DIP2B: variants seen among roughly 807,000 people sequenced by gnomAD.
The protein encoded by DIP2B is DIP2 acetate--CoA ligase B (putative).
Under a neutral mutation model 198.0 loss-of-function variants are expected in DIP2B, and 76 were observed. The observed-to-expected ratio is 0.38, with a 90% CI of 0.32 to 0.46. The LOEUF is 0.46. Among genes scored for constraint, DIP2B ranks in the 20% least tolerant of loss-of-function variants. The probability of loss-of-function intolerance (pLI) is 0.99; values close to 1 mark genes in which losing one functional copy is unlikely to be tolerated. For missense variants in DIP2B, 1,559 were observed against 1,978.4 expected (o/e 0.79, Z 4.02); for synonymous variants, 701 against 739.1 (o/e 0.95, Z 0.84).
At chr12:50,736,281 C>T (rs1940137448) in intron 34 of DIP2B, among the ~76,000 whole-genome samples, 1 of 152,228 alleles carries the variant, frequency 6.6e-6, no homozygotes, top group Admixed American at 6.5e-5. Flanking sequence ...ACCTCACGAG[C>T]ATTAGCCTGT....
chr12:50,557,316 AT>A (rs1281252656), intron 1 of DIP2B, among the ~76,000 whole-genome samples: 1 of 152,164 alleles, frequency 6.6e-6, no homozygotes, highest in African/African-American at 2.4e-5. Flanking sequence ...CCTTCCATAG[AT>A]GGTCCAGGCT....
chr12:50,727,668 T>C (rs1592145040), intron 28 of DIP2B, 35 bp from the exon 29 acceptor site: 4 of 1,568,320 alleles, frequency 2.6e-6, no homozygotes, highest in East Asian at 2.2e-5. Context: ...TTCCAGCATG[T>C]TGGATTGACA....
chr12:50,538,746 C>T (rs963498434), intron 1 of DIP2B, among the ~76,000 whole-genome samples: 7 of 152,146 alleles, frequency 4.6e-5, no homozygotes, highest in Non-Finnish European at 8.8e-5. Context: ...ACATATTCCA[C>T]ACATACAGTT....
At chr12:50,674,371 C>G (rs1051514745) in intron 5 of DIP2B, 103 bp from the exon 6 acceptor site, 4 of 1,228,706 alleles carry the variant, frequency 3.3e-6, no homozygotes, top group South Asian at 1.4e-5. Context: ...CCAGTGCCCC[C>G]ATTTATGTAC....
rs200971587 is a variant in DIP2B, at chr12:50,591,881, GTT to G, written c.101-34082_101-34081del. ...AACTTTTATTTCTTTATTTTTGTGT[GTT>G]TTTTTTTTTTTTGAGATGGAGTCTT... On this transcript the variant is annotated intron_variant, in intron 1 of 37. Coordinates refer to ENST00000301180, the MANE Select transcript of DIP2B (RefSeq NM_173602.3). Among the ~76,000 whole-genome samples the G allele has an allele frequency of 4.3e-5, 6 of 139,652 alleles. No individual in the cohort carries two copies. The East Asian group carries it at 1.0e-3, about 24-fold the overall frequency. The allele number at this position is 139,652 out of a possible 152,430, so 91.6% of individuals were successfully genotyped here.
chr12:50,658,442 T>C (rs1458047170), intron 3 of DIP2B, among the ~76,000 whole-genome samples: 4 of 152,152 alleles, frequency 2.6e-5, no homozygotes, highest in Non-Finnish European at 5.9e-5. Flanking sequence ...CGGCCAATTT[T>C]TCTGGATTTT....
At chr12:50,726,665 TTTC>T (rs199693044) in intron 28 of DIP2B, among the ~76,000 whole-genome samples, 25 of 148,048 alleles carry the variant, frequency 1.7e-4, no homozygotes, top group Middle Eastern at 3.5e-3. Context: ...TTTTTCTTTC[TTTC>T]TTTTTTTTTT....
chr12:50,578,846 A>T (rs1958688310), intron 1 of DIP2B, among the ~76,000 whole-genome samples: 1 of 152,108 alleles, frequency 6.6e-6, no homozygotes, highest in Admixed American at 6.5e-5. Context: ...CTATTTGAAA[A>T]TTTTATTTTG....
At chr12:50,644,831 T>C (rs886793778) in intron 3 of DIP2B, among the ~76,000 whole-genome samples, 1 of 152,210 alleles carries the variant, frequency 6.6e-6, no homozygotes, top group Admixed American at 6.5e-5. Flanking sequence ...ATTCCCTAGC[T>C]TTGTCCAGTT....
At chr12:50,544,624 CTTTTTT>C (rs66562074) in intron 1 of DIP2B, among the ~76,000 whole-genome samples, 2 of 136,968 alleles carry the variant, frequency 1.5e-5, no homozygotes, top group African/African-American at 5.6e-5. Flanking sequence ...CTTTCTTTTT[CTTTTTT>C]TTTTTTTTTT....
At chr12:50,726,671 T>TC (rs1223164001) in intron 28 of DIP2B, among the ~76,000 whole-genome samples, 5 of 151,016 alleles carry the variant, frequency 3.3e-5, no homozygotes, top group Non-Finnish European at 7.4e-5. Flanking sequence ...TTTCTTTCTT[T>TC]TTTTTTTTTT....
At chr12:50,543,431 A>G (rs1248282737) in intron 1 of DIP2B, among the ~76,000 whole-genome samples, 2 of 151,926 alleles carry the variant, frequency 1.3e-5, no homozygotes, top group African/African-American at 4.8e-5. Context: ...CTGGGGTTAC[A>G]GCCACCCGCC....
At chr12:50,509,914 T>C (rs1199456148) in intron 1 of DIP2B, among the ~76,000 whole-genome samples, 1 of 152,214 alleles carries the variant, frequency 6.6e-6, no homozygotes, top group Non-Finnish European at 1.5e-5. Context: ...AATGTAGATT[T>C]TTAAATAACC....
intron 4 of DIP2B, among the ~76,000 whole-genome samples, chr12:50,664,830 GTTTTTGTTTTTTTTTTTTTTTTTTTT>G (rs1334162888): frequency 1.1e-4 from 11 of 99,644 alleles, no homozygotes; most frequent in East Asian, 3.6e-4. Flanking sequence ...TCCTTTTTTG[GTTTTTGTTTTTTTTTTTTTTTTTTTT>G]TTTTTTTTTT....
intron 16 of DIP2B, 66 bp downstream of exon 16, chr12:50,696,033 T>C (rs1939305482): frequency 3.1e-6 from 5 of 1,594,350 alleles, no homozygotes; most frequent in Non-Finnish European, 4.3e-6. Context: ...TTTTTCGCCC[T>C]GTACTAAGAT....
chr12:50,533,836 C>G (rs1302689345), intron 1 of DIP2B, among the ~76,000 whole-genome samples: 1 of 152,112 alleles, frequency 6.6e-6, no homozygotes, highest in African/African-American at 2.4e-5. Context: ...GATCTGCCTG[C>G]CTTTCAGCCA....
intron 2 of DIP2B, among the ~76,000 whole-genome samples, chr12:50,630,018 C>T (rs1031640504): frequency 1.3e-5 from 2 of 150,102 alleles, no homozygotes; most frequent in East Asian, 2.0e-4. Context: ...GGCGCGATCT[C>T]GGCTCACTGC....
chr12:50,723,405 A>G (rs1023358167), intron 27 of DIP2B, 82 bp downstream of exon 27: 1 of 1,570,120 alleles, frequency 6.4e-7, no homozygotes, highest in Non-Finnish European at 8.7e-7. Flanking sequence ...TAATTTTCCA[A>G]TTTTGTTAAG....
intron 2 of DIP2B, among the ~76,000 whole-genome samples, chr12:50,639,430 C>A (rs1938215668): frequency 6.6e-6 from 1 of 151,954 alleles, no homozygotes; most frequent in South Asian, 2.1e-4. Context: ...ACTAGAGCCT[C>A]AACACATGGC....
Sources: gnomAD v4.1 joint callset for allele counts (sites outside exome capture counted in the v4.1 genomes callset) on GRCh38, gnomAD v4.1.1 for gene constraint, MANE v1.5 for transcripts, NCBI Gene and HGNC (gene_info 2026-07-23, HGNC 2026-07-21) for gene names.